PTPA: variants seen among roughly 807,000 people sequenced by gnomAD.
PTPA encodes the protein serine/threonine-protein phosphatase 2A activator.
Under a neutral mutation model 43.6 loss-of-function variants are expected in PTPA, and 13 were observed. That is an observed-to-expected ratio of 0.30 (90% CI 0.19 to 0.47). PTPA has a LOEUF of 0.47. Ranked by LOEUF, PTPA falls within the 20% of genes least tolerant of loss-of-function variation. The pLI is 0.99. For missense variants in PTPA, 329 were observed against 411.9 expected (o/e 0.80, Z 1.74); for synonymous variants, 172 against 158.2 (o/e 1.09, Z -0.66).
intron 4 of PTPA, among the ~76,000 whole-genome samples, chr9:129,131,033 C>A (rs1019466421): frequency 6.6e-6 from 1 of 152,152 alleles, no homozygotes; most frequent in Non-Finnish European, 1.5e-5. Flanking sequence ...TATGAATATA[C>A]CACAATTTAT....
At chr9:129,115,843 T>C (rs959412785) in intron 1 of PTPA, among the ~76,000 whole-genome samples, 8 of 151,478 alleles carry the variant, frequency 5.3e-5, no homozygotes, top group African/African-American at 1.9e-4. Flanking sequence ...GGCTTCACCA[T>C]GTTGGCCAGG....
At chr9:129,120,452 T>C in intron 1 of PTPA, 61 bp from the exon 2 acceptor site, 1 of 998,930 alleles carries the variant, frequency 1.0e-6, no homozygotes, top group Non-Finnish European at 1.5e-6. Context: ...TGAAAGGGAG[T>C]GTGTGTGTTG....
chr9:129,133,849 G>GTTTT (rs1850159385), intron 5 of PTPA, among the ~76,000 whole-genome samples: 1 of 152,220 alleles, frequency 6.6e-6, no homozygotes, highest in Non-Finnish European at 1.5e-5. Context: ...TCCTCAAACA[G>GTTTT]ATCAAACTTT....
At chr9:129,137,926 T>C in intron 8 of PTPA, 3 of 536,432 alleles carry the variant, frequency 5.6e-6, no homozygotes, top group South Asian at 4.0e-5. Flanking sequence ...CACAGGAGTC[T>C]TGAGATGAGG....
At chr9:129,118,586 G>A (rs982814539) in intron 1 of PTPA, among the ~76,000 whole-genome samples, 19 of 151,600 alleles carry the variant, frequency 1.3e-4, no homozygotes, top group Admixed American at 1.2e-3. Flanking sequence ...TTGGTCAGGC[G>A]CATCTCCAAC....
chr9:129,134,419 T>C (rs1850217608), intron 5 of PTPA, among the ~76,000 whole-genome samples: 1 of 144,212 alleles, frequency 6.9e-6, no homozygotes, highest in African/African-American at 2.6e-5. Flanking sequence ...ATCCTCCATC[T>C]CAGCCTCCTG....
intron 8 of PTPA, chr9:129,139,343 A>G (rs1310917276): frequency 1.3e-5 from 2 of 152,230 alleles, no homozygotes; most frequent in Non-Finnish European, 2.9e-5. Flanking sequence ...AGGCACACTG[A>G]ACTTGGAGAG....
chr9:129,114,475 A>C (rs568950385), intron 1 of PTPA, among the ~76,000 whole-genome samples: 5 of 152,176 alleles, frequency 3.3e-5, no homozygotes, highest in Non-Finnish European at 5.9e-5. Context: ...GTTATTTCTT[A>C]AAATAACTAT....
At chr9:129,116,401 T>A (rs1157426411) in intron 1 of PTPA, among the ~76,000 whole-genome samples, 1 of 140,598 alleles carries the variant, frequency 7.1e-6, no homozygotes, top group South Asian at 2.3e-4. Flanking sequence ...TTTTTTTTTT[T>A]TTTGAGACGG....
At chr9:129,110,985 G>T, upstream of PTPA, 1 of 1,371,236 alleles carries the variant, frequency 7.3e-7, no homozygotes, top group Non-Finnish European at 9.8e-7. The surrounding 1 kb of genome is among the most constrained non-coding windows in gnomAD (Gnocchi z 5.3). Flanking sequence ...GGAGGTCACC[G>T]TCCAGCTGTC....
At chr9:129,111,023 G>C (rs145868232), upstream of PTPA, 1,226 of 1,370,030 alleles carry the variant, frequency 8.9e-4, 9 homozygotes, top group African/African-American at 0.016. Context: ...TGTCTTCTAA[G>C]CTGTTGGAGG....
At chr9:129,112,977 G>T (rs1266164112) in intron 1 of PTPA, among the ~76,000 whole-genome samples, 1 of 151,652 alleles carries the variant, frequency 6.6e-6, no homozygotes, top group Non-Finnish European at 1.5e-5. Flanking sequence ...CACTCTTTTG[G>T]CTTCTCTAAG....
At chr9:129,140,685 A>G (rs950399450) in intron 8 of PTPA, among the ~76,000 whole-genome samples, 2 of 151,814 alleles carry the variant, frequency 1.3e-5, no homozygotes, top group African/African-American at 4.8e-5. Context: ...GCTTGCTCAG[A>G]GGGCCCTGTC....
At chr9:129,123,739 A>G (rs1031233911) in intron 3 of PTPA, among the ~76,000 whole-genome samples, 1 of 151,582 alleles carries the variant, frequency 6.6e-6, no homozygotes, top group African/African-American at 2.4e-5. Context: ...GCTGGAGTGC[A>G]GTGGCGCGAT....
chr9:129,122,407 G>C (rs1480934487), intron 2 of PTPA, among the ~76,000 whole-genome samples: 1 of 152,162 alleles, frequency 6.6e-6, no homozygotes, highest in Non-Finnish European at 1.5e-5. Context: ...CTGACCCTCA[G>C]TGCTTTCTTA....
At chr9:129,146,432 T>G (rs892312304) in intron 9 of PTPA, among the ~76,000 whole-genome samples, 2 of 152,216 alleles carry the variant, frequency 1.3e-5, no homozygotes, top group Non-Finnish European at 2.9e-5. Context: ...AGCACCCGTT[T>G]GTCTCTAAGT....
intron 9 of PTPA, among the ~76,000 whole-genome samples, chr9:129,147,070 C>T (rs922394923): frequency 6.6e-5 from 10 of 152,198 alleles, no homozygotes; most frequent in African/African-American, 2.4e-4. Context: ...CCCCAGTGAT[C>T]AGGAGGGTTC....
At chr9:129,112,864 C>T (rs1006827934) in intron 1 of PTPA, among the ~76,000 whole-genome samples, 1 of 151,918 alleles carries the variant, frequency 6.6e-6, no homozygotes, top group African/African-American at 2.4e-5. Context: ...TCGCTTGAAC[C>T]TGGGAAGCAG....
intron 8 of PTPA, chr9:129,138,177 C>G (rs1229582728): frequency 4.7e-6 from 1 of 211,578 alleles, no homozygotes; most frequent in Non-Finnish European, 9.7e-6. Flanking sequence ...GACGTGGGCC[C>G]GAGCAAAGTG....
Sources: allele counts gnomAD v4.1 joint callset (sites outside exome capture counted in the v4.1 genomes callset), GRCh38; gene constraint gnomAD v4.1.1; non-coding constraint Gnocchi (gnomAD v3.1); transcripts MANE v1.5; gene names NCBI Gene and HGNC (gene_info 2026-07-23, HGNC 2026-07-21).